CCDC171: variants seen among roughly 807,000 people sequenced by gnomAD.
CCDC171 encodes the protein coiled-coil domain-containing protein 171.
CCDC171 carries 177 observed loss-of-function variants against 168.2 expected under a neutral mutation model. That is an observed-to-expected ratio of 1.05 (90% confidence interval 0.93 to 1.19). The LOEUF (loss-of-function observed/expected upper bound fraction) is 1.19, where lower values mean the gene tolerates loss of function less well. Ranked by LOEUF, CCDC171 falls within the 50% of genes most tolerant of loss-of-function variation. CCDC171 has a pLI of 0.00. For missense variants in CCDC171, 1,991 were observed against 1,539.0 expected (o/e 1.29, Z -4.91); for synonymous variants, 687 against 540.8 (o/e 1.27, Z -3.75).
intron 21 of CCDC171, among the ~76,000 whole-genome samples, chr9:15,819,233 C>A (rs1262233863): frequency 2.6e-5 from 3 of 117,376 alleles, no homozygotes; most frequent in African/African-American, 6.4e-5. Context: ...TAGCCACTGC[C>A]AAAACATGCC....
At chr9:15,672,679 C>T (rs2133280179) in intron 9 of CCDC171, among the ~76,000 whole-genome samples, 1 of 152,270 alleles carries the variant, frequency 6.6e-6, no homozygotes, top group East Asian at 1.9e-4. Flanking sequence ...GGTGTTATTT[C>T]TGAGGCCTCT....
chr9:15,618,969 C>T (rs2044304129), intron 6 of CCDC171, among the ~76,000 whole-genome samples: 1 of 152,124 alleles, frequency 6.6e-6, no homozygotes, highest in African/African-American at 2.4e-5. Flanking sequence ...GTGGCCCCTC[C>T]CCGCCCTGTC....
intron 10 of CCDC171, among the ~76,000 whole-genome samples, chr9:15,693,301 A>G (rs1010479758): frequency 1.3e-4 from 20 of 152,198 alleles, no homozygotes; most frequent in Non-Finnish European, 1.9e-4. Flanking sequence ...TTAGCTGAAC[A>G]AGATAACTTA....
intron 6 of CCDC171, among the ~76,000 whole-genome samples, chr9:15,604,761 AT>A: frequency 6.6e-6 from 1 of 152,316 alleles, no homozygotes; most frequent in South Asian, 2.1e-4. Context: ...CCCAGTAAGT[AT>A]GATTGTGATG....
At chr9:16,042,867 C>G (rs891129381) in exon 1 of CCDC171, 2 of 152,144 alleles carry the variant, frequency 1.3e-5, no homozygotes, top group African/African-American at 4.8e-5. Context: ...ATGCTTCCTT[C>G]TGCTGGGGAC....
intron 24 of CCDC171, 129 bp downstream of exon 24, chr9:15,874,792 T>C (rs1343872231): frequency 7.5e-6 from 7 of 936,176 alleles, no homozygotes; most frequent in Non-Finnish European, 1.0e-5. Context: ...TTTCTTCATT[T>C]TTCTTCTATC....
chr9:15,769,165 T>G (rs916040023), intron 18 of CCDC171, among the ~76,000 whole-genome samples: 4 of 152,240 alleles, frequency 2.6e-5, no homozygotes, highest in Admixed American at 6.5e-5. Flanking sequence ...GCAGTTTCTG[T>G]CTTTAAATGC....
chr9:15,761,164 G>C (rs1935225), intron 18 of CCDC171, among the ~76,000 whole-genome samples: 144,112 of 152,294 alleles, frequency 0.95, 68,225 homozygotes, highest in East Asian at 1. Flanking sequence ...CACATTTCCT[G>C]TGTAATTACG....
At chr9:16,064,810 G>A (rs143815063), downstream of CCDC171, among the ~76,000 whole-genome samples, 17 of 152,272 alleles carry the variant, frequency 1.1e-4, no homozygotes, top group Admixed American at 7.2e-4. Context: ...CCACAAAAGC[G>A]GCCTTCTACT....
At chr9:15,604,940 C>T (rs2043110783) in intron 6 of CCDC171, among the ~76,000 whole-genome samples, 1 of 152,136 alleles carries the variant, frequency 6.6e-6, no homozygotes, top group Non-Finnish European at 1.5e-5. Flanking sequence ...ATTTTTGAGA[C>T]AAGGTCTCAC....
At chr9:15,791,164 C>T (rs1289549490) in intron 21 of CCDC171, among the ~76,000 whole-genome samples, 1 of 152,072 alleles carries the variant, frequency 6.6e-6, no homozygotes, top group South Asian at 2.1e-4. Flanking sequence ...GGGGATGGCA[C>T]TGAATGTATA....
intron 7 of CCDC171, among the ~76,000 whole-genome samples, chr9:15,652,923 A>T (rs2047638983): frequency 6.6e-6 from 1 of 152,204 alleles, no homozygotes; most frequent in African/African-American, 2.4e-5. Context: ...AATAGCTAAG[A>T]ACATCCTGTG....
chr9:15,731,227 C>T (rs574832177), intron 16 of CCDC171, among the ~76,000 whole-genome samples: 4 of 152,050 alleles, frequency 2.6e-5, no homozygotes, highest in African/African-American at 9.7e-5. Flanking sequence ...CTTTCCTCCC[C>T]CAACACACCC....
intron 24 of CCDC171, chr9:15,874,919 A>T (rs1817647629): frequency 4.0e-6 from 1 of 252,524 alleles, no homozygotes; most frequent in Non-Finnish European, 7.4e-6. Flanking sequence ...GGCAAAGTAC[A>T]GTATTAAAAG....
At chr9:15,991,491 T>C (rs1264262449) in intron 3 of CCDC171, among the ~76,000 whole-genome samples, 3 of 149,958 alleles carry the variant, frequency 2.0e-5, no homozygotes, top group Non-Finnish European at 2.9e-5. Context: ...AGATCTAAAA[T>C]TGACACCCTA....
chr9:15,999,634 C>G (rs1467064565), intron 3 of CCDC171, among the ~76,000 whole-genome samples: 1 of 152,178 alleles, frequency 6.6e-6, no homozygotes, highest in Non-Finnish European at 1.5e-5. Context: ...CTGTTGCCTC[C>G]AAGGACAAGG....
intron 1 of CCDC171, among the ~76,000 whole-genome samples, chr9:16,049,027 C>T (rs1833710228): frequency 6.6e-6 from 1 of 151,492 alleles, no homozygotes; most frequent in Admixed American, 6.6e-5. Flanking sequence ...AATTACAATC[C>T]CTAAAGTCTA....
intron 9 of CCDC171, among the ~76,000 whole-genome samples, chr9:15,670,057 C>G (rs943039592): frequency 7.3e-5 from 11 of 151,648 alleles, no homozygotes; most frequent in African/African-American, 2.7e-4. Context: ...AATCCTCCAC[C>G]TTTTAAGTCC....
At chr9:15,689,526 C>T (rs2050638748) in intron 10 of CCDC171, among the ~76,000 whole-genome samples, 1 of 152,142 alleles carries the variant, frequency 6.6e-6, no homozygotes, top group South Asian at 2.1e-4. Flanking sequence ...GCCTGGCCAA[C>T]ATGGTGAAAC....
Sources: gnomAD v4.1 joint callset for allele counts (sites outside exome capture counted in the v4.1 genomes callset) on GRCh38, gnomAD v4.1.1 for gene constraint, MANE v1.5 for transcripts, NCBI Gene and HGNC (gene_info 2026-07-23, HGNC 2026-07-21) for gene names.